KIF21A: variants seen among roughly 807,000 people sequenced by gnomAD.
The protein encoded by KIF21A is kinesin family member 21A, also known as kinesin-like protein KIF21A.
Under a neutral mutation model 202.9 loss-of-function variants are expected in KIF21A, and 114 were observed. That is an observed-to-expected ratio of 0.56 (90% CI 0.48 to 0.66). The LOEUF (loss-of-function observed/expected upper bound fraction) is 0.66, where lower values mean the gene tolerates loss of function less well. KIF21A is among the 30% of genes least tolerant of loss of function. The pLI is 0.00. For missense variants in KIF21A, 1,677 were observed against 1,994.9 expected (o/e 0.84, Z 3.04); for synonymous variants, 667 against 670.8 (o/e 0.99, Z 0.09).
At chr12:39,297,085 T>C (rs1021802081) in intron 37 of KIF21A, among the ~76,000 whole-genome samples, 5 of 152,128 alleles carry the variant, frequency 3.3e-5, no homozygotes, top group African/African-American at 4.8e-5. Flanking sequence ...CAGGACTTGA[T>C]GATGGATTAG....
At position 39,315,255 on chromosome 12, in the gene KIF21A, C is replaced by T. The variant is rs1429231669; in HGVS notation, c.3948-15G>A. 6.2e-7 allele frequency: 1 copy of T among 1,609,450 alleles called. No homozygotes were observed. Among genetic ancestry groups the T allele is most frequent in the Non-Finnish European group, 8.5e-7 (1 of 1,177,388 alleles). On this transcript the variant is annotated splice_polypyrimidine_tract_variant and intron_variant, in intron 30 of 37. Transcript: ENST00000361418. ...TTCTGGAGGATCTGCTGATGATCAG[C>T]AAAAATGGCCATAAAACAAGGAAAA...
intron 12 of KIF21A, among the ~76,000 whole-genome samples, chr12:39,345,213 C>T (rs1947793522): frequency 6.6e-6 from 1 of 152,172 alleles, no homozygotes; most frequent in African/African-American, 2.4e-5. Context: ...ACTCCTTTCA[C>T]TGAGAACATT....
chr12:39,387,290 G>C (rs1277054892), intron 1 of KIF21A, among the ~76,000 whole-genome samples: 2 of 151,714 alleles, frequency 1.3e-5, no homozygotes, highest in Non-Finnish European at 2.9e-5. Context: ...AGTCAGCTTT[G>C]AAAGCTATCC....
intron 1 of KIF21A, among the ~76,000 whole-genome samples, chr12:39,403,289 A>G (rs571844921): frequency 6.6e-6 from 1 of 152,240 alleles, no homozygotes; most frequent in African/African-American, 2.4e-5. Flanking sequence ...CACAGTCTAC[A>G]GTTTGTAAGA....
Position 39,367,240 on chromosome 12 carries a change from G to C in KIF21A, c.601-76C>G, listed in dbSNP as rs908967484. On this transcript the variant is annotated intron_variant, in intron 4 of 37. Coordinates refer to ENST00000361418, the MANE Select transcript of KIF21A (RefSeq NM_001173464.2). Reference sequence around the variant, plus strand: ...TATACAATCCAAAGTCTGAGGTAATGGCTAAAACCCACCATGTTAAGGGAT... The same window carrying C: ...TATACAATCCAAAGTCTGAGGTAATCGCTAAAACCCACCATGTTAAGGGAT... 1.4e-5 allele frequency: 21 copies of C among 1,464,984 alleles called. No homozygotes were observed. The African/African-American group carries it at 2.6e-4, about 18-fold the overall frequency. The allele number at this position is 1,464,984 out of a possible 1,614,324, so 90.7% of individuals were successfully genotyped here. A position where few individuals can be genotyped will look rare whatever the true frequency, so the allele number is the denominator to read the frequency against.
chr12:39,405,095 T>C (rs1174481105), intron 1 of KIF21A, among the ~76,000 whole-genome samples: 2 of 152,184 alleles, frequency 1.3e-5, no homozygotes, highest in African/African-American at 4.8e-5. Context: ...CTCATGCATA[T>C]AATCCTAGCA....
chr12:39,380,063 GT>G (rs1419831989), intron 1 of KIF21A, among the ~76,000 whole-genome samples: 5 of 152,136 alleles, frequency 3.3e-5, no homozygotes, highest in South Asian at 2.1e-4. Context: ...CGCCTCCCAG[GT>G]TCAGGCAATT....
chr12:39,392,934 TA>T (rs1435191731), intron 1 of KIF21A, among the ~76,000 whole-genome samples: 1 of 145,374 alleles, frequency 6.9e-6, no homozygotes, highest in East Asian at 2.0e-4. Context: ...GGTAATAAAA[TA>T]AAATAAAGAC....
intron 1 of KIF21A, among the ~76,000 whole-genome samples, chr12:39,418,523 G>A (rs975081478): frequency 6.6e-6 from 1 of 152,094 alleles, no homozygotes; most frequent in African/African-American, 2.4e-5. Flanking sequence ...CTTTACCCGG[G>A]CACATAAACA....
chr12:39,442,846 C>T lies in KIF21A; in HGVS notation c.44+81G>A. ...CCCTCAGGTCGCTCCACCCCGGTAG[C>T]CGGTGCTCCGCGCCACAGCCAGGTC... On this transcript the variant is annotated intron_variant, in intron 1 of 37. Transcript: ENST00000361418. The surrounding 1 kb of genome is among the most constrained non-coding windows in gnomAD (Gnocchi z 5.0). The T allele has an allele frequency of 6.7e-7, 1 of 1,487,898 alleles. No homozygotes were observed. Among genetic ancestry groups the T allele is most frequent in the Non-Finnish European group, 9.0e-7 (1 of 1,113,544 alleles). The allele number at this position is 1,487,898 out of a possible 1,614,324, so 92.2% of individuals were successfully genotyped here. A position where few individuals can be genotyped will look rare whatever the true frequency, so the allele number is the denominator to read the frequency against.
At chr12:39,365,751 T>C (rs1254281302) in intron 6 of KIF21A, among the ~76,000 whole-genome samples, 2 of 152,242 alleles carry the variant, frequency 1.3e-5, no homozygotes, top group Non-Finnish European at 2.9e-5. Flanking sequence ...GGCTCGCGCC[T>C]GTAATCCCAG....
At chr12:39,353,845 T>A in intron 10 of KIF21A, among the ~76,000 whole-genome samples, 1 of 152,088 alleles carries the variant, frequency 6.6e-6, no homozygotes. Flanking sequence ...AGGGAGAACA[T>A]CTCTCTTTCC....
chr12:39,370,312 A>AG, intron 1 of KIF21A, 51 bp from the exon 2 acceptor site: 1 of 1,407,844 alleles, frequency 7.1e-7, no homozygotes, highest in Non-Finnish European at 9.9e-7. Context: ...GCAAAAAAAA[A>AG]CCTCTCAAAA....
At chr12:39,315,163 A>G in intron 31 of KIF21A, 66 bp downstream of exon 31, 1 of 1,462,102 alleles carries the variant, frequency 6.8e-7, no homozygotes, top group African/African-American at 1.4e-5. Flanking sequence ...TTTTTGTTCC[A>G]TGCAAACCTG....
At chr12:39,353,901 T>C (rs756071625) in intron 10 of KIF21A, among the ~76,000 whole-genome samples, 5 of 152,046 alleles carry the variant, frequency 3.3e-5, no homozygotes, top group Non-Finnish European at 4.4e-5. Flanking sequence ...CCCACCCACT[T>C]GGTACTTCCT....
chr12:39,434,235 A>G (rs1938366196), intron 1 of KIF21A, among the ~76,000 whole-genome samples: 1 of 152,194 alleles, frequency 6.6e-6, no homozygotes, highest in South Asian at 2.1e-4. Context: ...GCACAAGAGA[A>G]CAAGAGGGGA....
At chr12:39,304,617 C>A (rs1464069046) in intron 35 of KIF21A, among the ~76,000 whole-genome samples, 2 of 152,082 alleles carry the variant, frequency 1.3e-5, no homozygotes, top group African/African-American at 4.8e-5. Context: ...TGTTTTCCAA[C>A]CTTTCTTCTA....
At position 39,367,898 on chromosome 12, in the gene KIF21A, C is replaced by T; in HGVS notation, c.585G>A (p.Val195=). 1 of 1,608,972 alleles carries T rather than the reference C, an allele frequency of 6.2e-7. No homozygotes were observed. The highest frequency in any genetic ancestry group is 1.1e-5 in the South Asian group (1 of 90,876). ...IYTVGVTTRT[V]NTESEMMQCL... ...TAAATATTACCTCTGATTCTGTATT[C>T]ACAGTACGTGTTGTAACGCCCACAG... The change falls in exon 4 of 38, where the codon GTG becomes GTA. Residue 195 remains valine (V), a synonymous_variant. Transcript: ENST00000361418.
At chr12:39,416,713 G>GTATA (rs780759998) in intron 1 of KIF21A, among the ~76,000 whole-genome samples, 1 of 73,588 alleles carries the variant, frequency 1.4e-5, no homozygotes, top group Non-Finnish European at 2.3e-5. Context: ...ATATATATGT[G>GTATA]TGTATATATG....
Sources: allele counts gnomAD v4.1 joint callset (sites outside exome capture counted in the v4.1 genomes callset), GRCh38; gene constraint gnomAD v4.1.1; non-coding constraint Gnocchi (gnomAD v3.1); transcripts MANE v1.5; gene names NCBI Gene and HGNC (gene_info 2026-07-23, HGNC 2026-07-21).